The following DNAJC25 variants were observed in gnomAD, a reference collection of about 807,000 sequenced individuals.
The protein encoded by DNAJC25 is DnaJ heat shock protein family (Hsp40) member C25, also known as dnaJ homolog subfamily C member 25.
DNAJC25 carries 26 observed loss-of-function variants against 42.1 expected under a neutral mutation model. That is an observed-to-expected ratio of 0.62 (90% confidence interval 0.45 to 0.86). The LOEUF (loss-of-function observed/expected upper bound fraction) is 0.86. DNAJC25 is among the 40% of genes least tolerant of loss of function. The pLI is 0.00. For missense variants in DNAJC25, 404 were observed against 459.4 expected (o/e 0.88, Z 1.10); for synonymous variants, 189 against 179.9 (o/e 1.05, Z -0.40).
intron 3 of DNAJC25, among the ~76,000 whole-genome samples, chr9:111,651,393 A>T (rs1830658848): frequency 6.6e-6 from 1 of 152,146 alleles, no homozygotes; most frequent in Non-Finnish European, 1.5e-5. Flanking sequence ...TTTTTTAAGA[A>T]GGTAAAGCAG....
intron 1 of DNAJC25, among the ~76,000 whole-genome samples, chr9:111,644,369 A>G (rs2146079): frequency 0.42 from 64,086 of 151,974 alleles, 16,005 homozygotes; most frequent in African/African-American, 0.68. Context: ...TGTTAAAGGA[A>G]TTCAGGACTT....
intron 1 of DNAJC25, among the ~76,000 whole-genome samples, chr9:111,635,062 G>A (rs1323788692): frequency 2.0e-5 from 3 of 152,146 alleles, no homozygotes; most frequent in Non-Finnish European, 4.4e-5. Flanking sequence ...TGACTTTTGG[G>A]GATTTAGGGA....
At chr9:111,642,973 G>A (rs1286111185) in intron 1 of DNAJC25, 3 of 470,384 alleles carry the variant, frequency 6.4e-6, no homozygotes, top group Admixed American at 4.7e-5. Flanking sequence ...CAAGGCTCAG[G>A]ACAGACAGGA....
At chr9:111,639,414 A>G (rs1403912632) in intron 1 of DNAJC25, among the ~76,000 whole-genome samples, 1 of 152,214 alleles carries the variant, frequency 6.6e-6, no homozygotes, top group Non-Finnish European at 1.5e-5. Context: ...TTCAGGACAT[A>G]GTTGAGAATA....
At chr9:111,648,254 A>G (rs1222785073) in intron 2 of DNAJC25, among the ~76,000 whole-genome samples, 2 of 146,744 alleles carry the variant, frequency 1.4e-5, no homozygotes, top group Admixed American at 7.1e-5. Flanking sequence ...TCATTCCCAG[A>G]AACGATTCAG....
At chr9:111,633,830 G>A (rs1453628829) in intron 1 of DNAJC25, among the ~76,000 whole-genome samples, 2 of 152,174 alleles carry the variant, frequency 1.3e-5, no homozygotes, top group African/African-American at 4.8e-5. Context: ...TACCCCTAAA[G>A]TTTACCACTC....
chr9:111,652,842 C>T (rs1342198036), intron 3 of DNAJC25, among the ~76,000 whole-genome samples: 1 of 151,998 alleles, frequency 6.6e-6, no homozygotes, highest in Non-Finnish European at 1.5e-5. Context: ...CCACCACGCC[C>T]GGCCACAAAA....
chr9:111,650,060 T>C (rs546604576), intron 3 of DNAJC25, 137 bp downstream of exon 3: 2 of 799,374 alleles, frequency 2.5e-6, no homozygotes, highest in South Asian at 2.8e-5. Context: ...AGACCTTTTA[T>C]TGAAAGTAGG....
At chr9:111,639,653 GT>G (rs1225215141) in intron 1 of DNAJC25, among the ~76,000 whole-genome samples, 66 of 136,660 alleles carry the variant, frequency 4.8e-4, no homozygotes, top group East Asian at 8.5e-4. Flanking sequence ...ACTAGAGGTT[GT>G]TTTTTTTTTT....
At chr9:111,651,632 A>G (rs1283365617) in intron 3 of DNAJC25, among the ~76,000 whole-genome samples, 3 of 152,162 alleles carry the variant, frequency 2.0e-5, no homozygotes, top group African/African-American at 7.2e-5. Flanking sequence ...CATGCCTGTA[A>G]TCCCAGCACT....
rs758447407 is a variant in DNAJC25 at position 111,653,216 on chromosome 9, T to C, written c.1077T>C (p.Asp359=). 1 of 1,572,130 alleles carries C rather than the reference T, an allele frequency of 6.4e-7. No homozygotes were observed. The highest frequency in any genetic ancestry group is 8.6e-7 in the Non-Finnish European group (1 of 1,158,566). Residue 359 remains aspartate (D), a synonymous_variant, in exon 4 of 4, where the codon GAT becomes GAC. Coordinates refer to ENST00000313525, the MANE Select transcript of DNAJC25 (RefSeq NM_001015882.3). ...GGCCTGGGCGGTTAACATTTGTGGA[T>C]GACTGAAGATTGATGGAATGCTACT... is the stretch of plus-strand genomic sequence containing the variant. ...NEGPGRLTFV[D]D is the part of the protein sequence containing the mutation.
At chr9:111,645,858 A>C (rs916306687) in intron 1 of DNAJC25, among the ~76,000 whole-genome samples, 14 of 152,152 alleles carry the variant, frequency 9.2e-5, no homozygotes, top group African/African-American at 3.4e-4. Flanking sequence ...TGGCATGATC[A>C]CATAAGTGAT....
rs1450591908 is a variant in DNAJC25, at chr9:111,632,060, A to G, written c.336+317A>G. Among the ~76,000 whole-genome samples the G allele has an allele frequency of 9.2e-5, 14 of 152,384 alleles. No homozygotes were observed. The South Asian group carries it at 1.7e-3, about 18-fold the overall frequency. On this transcript the variant is annotated intron_variant, in intron 1 of 3. Transcript: ENST00000313525. ...TTCACATTCGAAAAGCAGGGTGATC[A>G]TTATTAGTAGGATCTGGGGTAGCCC...
chr9:111,635,147 A>T (rs1305235763), intron 1 of DNAJC25, among the ~76,000 whole-genome samples: 1 of 152,222 alleles, frequency 6.6e-6, no homozygotes, highest in East Asian at 1.9e-4. Flanking sequence ...AGGTAGAATA[A>T]TCTGGTCCCA....
Position 111,654,018 on chromosome 9 carries a change from T to A in DNAJC25, c.*796T>A, listed in dbSNP as rs1051423. The A allele has an allele frequency of 6.6e-6, 1 of 152,078 alleles. No individual in the cohort carries two copies. Among genetic ancestry groups the A allele is most frequent in the Non-Finnish European group, 1.5e-5 (1 of 67,928 alleles). The allele number at this position is 152,078 out of a possible 1,614,324, so 9.4% of individuals were successfully genotyped here. On this transcript the variant is annotated 3_prime_UTR_variant, in exon 4 of 4. Transcript: ENST00000313525. ...CAGTATTGGTTTTTTCCCCTCTCTC[T>A]TCACTTAAAAAAAAAAATAGCAAGG...
At chr9:111,631,788 A>G in intron 1 of DNAJC25, 45 bp downstream of exon 1, 5 of 1,473,360 alleles carry the variant, frequency 3.4e-6, no homozygotes, top group South Asian at 1.3e-5. Flanking sequence ...TGGCCGCGGG[A>G]AGCCCACGGC....
intron 1 of DNAJC25, among the ~76,000 whole-genome samples, chr9:111,644,043 T>G (rs1369708526): frequency 6.6e-6 from 1 of 152,234 alleles, no homozygotes; most frequent in Non-Finnish European, 1.5e-5. Flanking sequence ...GATCATTTTC[T>G]TCATTTTGGA....
At chr9:111,649,955 C>G in intron 3 of DNAJC25, 32 bp downstream of exon 3, 1 of 1,510,642 alleles carries the variant, frequency 6.6e-7, no homozygotes, top group South Asian at 1.4e-5. Flanking sequence ...ATTTAAGTGT[C>G]ATCCACCTGA....
chr9:111,645,098 T>C (rs908645806), intron 1 of DNAJC25, among the ~76,000 whole-genome samples: 3 of 152,232 alleles, frequency 2.0e-5, no homozygotes, highest in African/African-American at 7.2e-5. Context: ...GTTGTATAAC[T>C]GAGAGTTTTC....
Sources: gnomAD v4.1 joint callset for allele counts (sites outside exome capture counted in the v4.1 genomes callset) on GRCh38, gnomAD v4.1.1 for gene constraint, MANE v1.5 for transcripts, NCBI Gene and HGNC (gene_info 2026-07-23, HGNC 2026-07-21) for gene names.